ADAM7: variants seen among roughly 807,000 people sequenced by gnomAD.
The protein encoded by ADAM7 is ADAM metallopeptidase domain 7, also known as disintegrin and metalloproteinase domain-containing protein 7.
Under a neutral mutation model 102.9 loss-of-function variants are expected in ADAM7, and 97 were observed. The ratio of observed to expected loss-of-function variants is 0.94; its 90% CI spans 0.80 to 1.12. The LOEUF is 1.12. Ranked by LOEUF, ADAM7 falls within the 50% of genes most tolerant of loss-of-function variation. The pLI, the probability that ADAM7 is intolerant of heterozygous loss-of-function variation, is 0.00. For synonymous variants in ADAM7, 334 were observed against 304.4 expected (o/e 1.10, Z -1.01); for missense variants, 991 against 908.7 (o/e 1.09, Z -1.16).
chr8:24,451,044 CG>C (rs1224824509), intron 3 of ADAM7, among the ~76,000 whole-genome samples: 3 of 151,880 alleles, frequency 2.0e-5, no homozygotes, highest in Non-Finnish European at 4.4e-5. Flanking sequence ...CTGCTGGATT[CG>C]GTTTGCCAGC....
intron 3 of ADAM7, among the ~76,000 whole-genome samples, chr8:24,461,214 G>A (rs1198974908): frequency 6.6e-6 from 1 of 151,964 alleles, no homozygotes; most frequent in Non-Finnish European, 1.5e-5. Flanking sequence ...GGATGGTCTC[G>A]ATCTCCTGAT....
At chr8:24,492,891 T>C (rs747863269) in intron 15 of ADAM7, 152 bp from the exon 16 acceptor site, 7 of 722,454 alleles carry the variant, frequency 9.7e-6, no homozygotes, top group Non-Finnish European at 1.5e-5. Context: ...GGGCCAAGAC[T>C]TTGCTCAGTG....
intron 3 of ADAM7, among the ~76,000 whole-genome samples, chr8:24,454,798 C>T (rs1264988425): frequency 1.3e-5 from 2 of 152,130 alleles, no homozygotes; most frequent in African/African-American, 2.4e-5. Flanking sequence ...TCCATCTTGG[C>T]TGCCCTCCCC....
At chr8:24,474,352 G>A (rs12542636) in intron 7 of ADAM7, among the ~76,000 whole-genome samples, 43,103 of 151,920 alleles carry the variant, frequency 0.28, 6,707 homozygotes, top group South Asian at 0.38. Context: ...ACCAAGAATA[G>A]GTTATTAAAA....
At chr8:24,489,006 A>T (rs1172179609) in intron 11 of ADAM7, among the ~76,000 whole-genome samples, 153 bp from the exon 12 acceptor site, 1 of 152,212 alleles carries the variant, frequency 6.6e-6, no homozygotes, top group Non-Finnish European at 1.5e-5. Context: ...TTTTGAAAAG[A>T]TATTTTCTAT....
chr8:24,478,102 G>A (rs112460262), intron 8 of ADAM7, among the ~76,000 whole-genome samples: 4 of 152,194 alleles, frequency 2.6e-5, no homozygotes, highest in South Asian at 2.1e-4. Flanking sequence ...ATTTTTGTAG[G>A]CAGGAAGTCT....
At chr8:24,496,354 G>A (rs1408866638) in intron 16 of ADAM7, among the ~76,000 whole-genome samples, 2 of 151,782 alleles carry the variant, frequency 1.3e-5, no homozygotes, top group African/African-American at 4.8e-5. Context: ...CAGTGTAGAT[G>A]AGAAATGTAG....
At chr8:24,492,628 C>A in intron 15 of ADAM7, 31 bp downstream of exon 15, 1 of 1,520,224 alleles carries the variant, frequency 6.6e-7, no homozygotes, top group Non-Finnish European at 9.1e-7. Context: ...AAGTAATTTG[C>A]CTTCTTACAG....
rs1330276839 is a variant in ADAM7, at chr8:24,499,350, A to C, written c.1923+34A>C. ...TGACTGCTTTCAAAATTAATGTCTT[A>C]TCAGCCATATATTTACTTTATTCCC... On this transcript the variant is annotated intron_variant, in intron 17 of 21. Coordinates refer to ENST00000175238, the MANE Select transcript of ADAM7 (RefSeq NM_003817.4). 1.1e-5 allele frequency: 17 copies of C among 1,507,920 alleles called. No individual in the cohort carries two copies. In the African/African-American group the frequency reaches 1.9e-4, roughly 17 times the overall value. 93.4% of individuals were successfully genotyped at this position (1,507,920 alleles called of 1,614,324 possible).
chr8:24,508,745 T>C lies in ADAM7; in HGVS notation c.*199T>C, dbSNP rs539365145. Reference sequence around the variant, plus strand: ...CCGGTAGAATTCACACCCTCTATCATAAACATATGCTGCAGAAAAAAAATG... The same window carrying C: ...CCGGTAGAATTCACACCCTCTATCACAAACATATGCTGCAGAAAAAAAATG... On this transcript the variant is annotated 3_prime_UTR_variant, in exon 22 of 22. Transcript: ENST00000175238. 7.2e-7 allele frequency: 1 copy of C among 1,387,114 alleles called. No homozygotes were observed. The highest frequency in any genetic ancestry group is 2.6e-5 in the East Asian group (1 of 38,862). 85.9% of individuals were successfully genotyped at this position (1,387,114 alleles called of 1,614,324 possible).
intron 8 of ADAM7, among the ~76,000 whole-genome samples, chr8:24,481,559 G>A (rs570517508): frequency 1.6e-4 from 24 of 152,198 alleles, no homozygotes; most frequent in African/African-American, 5.8e-4. Flanking sequence ...CTATCACCCA[G>A]GTGTTTACAG....
intron 3 of ADAM7, among the ~76,000 whole-genome samples, chr8:24,449,462 T>A (rs1397882311): frequency 6.6e-6 from 1 of 152,202 alleles, no homozygotes; most frequent in Non-Finnish European, 1.5e-5. Flanking sequence ...TTTTGAGAAG[T>A]GTCTGTTCAT....
In ADAM7 at chr8:24,486,282, A is replaced by G. The variant is rs565608652; in HGVS notation, c.961-905A>G. ...CTTTTTGGAAATTAATTCTGTATTA[A>G]CATAGAAATTAAAGCATATAATGGA... is the stretch of plus-strand genomic sequence containing the variant. On this transcript the variant is annotated intron_variant, in intron 10 of 21. Transcript: ENST00000175238. 5.9e-5 allele frequency among the ~76,000 whole-genome samples: 9 copies of G among 152,342 alleles called. No individual in the cohort carries two copies. In the East Asian group the frequency reaches 1.7e-3, roughly 29 times the overall value.
chr8:24,485,928 G>T (rs1036927034), intron 10 of ADAM7, among the ~76,000 whole-genome samples: 2 of 151,906 alleles, frequency 1.3e-5, no homozygotes, highest in African/African-American at 4.8e-5. Context: ...TCTTTATGTC[G>T]CGCCTAATTG....
intron 20 of ADAM7, among the ~76,000 whole-genome samples, chr8:24,506,938 AGC>A (rs1246664054): frequency 1.3e-5 from 2 of 152,164 alleles, no homozygotes; most frequent in African/African-American, 4.8e-5. Context: ...TTTTAAAAGC[AGC>A]CATTCTCATT....
intron 7 of ADAM7, chr8:24,475,836 T>C (rs1819750466): frequency 2.3e-6 from 1 of 431,192 alleles, no homozygotes; most frequent in South Asian, 1.7e-5. Context: ...AAGATCCCGA[T>C]AGTACAAAAA....
chr8:24,469,537 G>C (rs1404159044), intron 7 of ADAM7, among the ~76,000 whole-genome samples: 2 of 152,012 alleles, frequency 1.3e-5, no homozygotes, highest in African/African-American at 4.8e-5. Context: ...TAAACTGCTG[G>C]AAGTCAAGTC....
chr8:24,442,507 G>C lies in ADAM7; in HGVS notation c.87G>C (p.Leu29=), dbSNP rs1818409105. Residue 29 remains leucine, a synonymous_variant, in exon 2 of 22, where the codon CTG becomes CTC. Coordinates refer to ENST00000175238, the MANE Select transcript of ADAM7 (RefSeq NM_003817.4). ...KFILGVEGQQ[L]VRPKKLPLIQ... is the part of the protein sequence containing the mutation. ...TCCTTGGAGTAGAGGGTCAACAACT[G>C]GTTCGTCCTAAAAAGCTTCCTCTGA... The C allele has an allele frequency of 6.2e-7, 1 of 1,614,046 alleles. No individual in the cohort carries two copies. The highest frequency in any genetic ancestry group is 8.5e-7 in the Non-Finnish European group (1 of 1,179,972).
At chr8:24,467,255 C>G (rs921995096) in intron 6 of ADAM7, 3 of 484,386 alleles carry the variant, frequency 6.2e-6, no homozygotes, top group African/African-American at 5.9e-5. Flanking sequence ...AGTTGGAAAT[C>G]ATGAAATTTT....
Sources: gnomAD v4.1 joint callset for allele counts (sites outside exome capture counted in the v4.1 genomes callset) on GRCh38, gnomAD v4.1.1 for gene constraint, MANE v1.5 for transcripts, NCBI Gene and HGNC (gene_info 2026-07-23, HGNC 2026-07-21) for gene names.